The following ZNF518A variants were observed in gnomAD, a reference collection of about 807,000 sequenced individuals.
ZNF518A encodes zinc finger protein 518A.
A neutral mutation model predicts 102.7 loss-of-function variants in ZNF518A; 47 were observed. The ratio of observed to expected loss-of-function variants is 0.46; its 90% CI spans 0.36 to 0.58. ZNF518A has a LOEUF of 0.58. Among genes scored for constraint, ZNF518A ranks in the 20% least tolerant of loss-of-function variants. The pLI is 0.00. For synonymous variants in ZNF518A, 652 were observed against 594.6 expected, an observed-to-expected ratio of 1.10 and a Z score of -1.40; for missense variants, 1,793 against 1,699.8, an observed-to-expected ratio of 1.05 and a Z score of -0.96.
At position 96,159,077 on chromosome 10, in the gene ZNF518A, A is replaced by T. The variant is rs2082859251; in HGVS notation, c.2755A>T (p.Ser919Cys). Residue 919 changes from serine to cysteine, a missense_variant, in exon 6 of 6, where the codon AGT becomes TGT. Transcript: ENST00000316045. ...AAATTTAGGTTCTTTTTATATGCAG[A>T]GTCCACTTTTAAATTCAGAACAAAA... is the stretch of plus-strand genomic sequence containing the variant. ...TQNLGSFYMQ[S>C]PLLNSEQKKT... The T allele has an allele frequency of 6.2e-7, 1 of 1,613,016 alleles. No individual in the cohort carries two copies. Among genetic ancestry groups the T allele is most frequent in the Admixed American group, 1.7e-5 (1 of 59,802 alleles).
chr10:96,146,269 AAAT>A (rs2082169079), intron 3 of ZNF518A, among the ~76,000 whole-genome samples: 1 of 152,232 alleles, frequency 6.6e-6, no homozygotes, highest in African/African-American at 2.4e-5. Context: ...ACGATGGCAC[AAAT>A]AATATTTCTG....
At position 96,157,181 on chromosome 10, in the gene ZNF518A, G is replaced by C. The variant is rs999796023; in HGVS notation, c.859G>C (p.Glu287Gln). Residue 287 changes from glutamate to glutamine, a missense_variant, in exon 6 of 6, where the codon GAA (glutamate) becomes CAA (glutamine). Physicochemically the swap from Glu to Gln is conservative, Grantham distance 29 (BLOSUM62 2). Coordinates refer to ENST00000316045, the MANE Select transcript of ZNF518A (RefSeq NM_001330736.2). ...LVRHVITLHK[E>Q]HLYAKEKLEK... ...AAGACATGTTATAACTTTGCACAAA[G>C]AACATTTATATGCAAAAGAAAAACT... 6.2e-7 allele frequency: 1 copy of C among 1,612,228 alleles called. No individual in the cohort carries two copies. Among genetic ancestry groups the C allele is most frequent in the African/African-American group, 1.3e-5 (1 of 74,820 alleles).
intron 3 of ZNF518A, among the ~76,000 whole-genome samples, chr10:96,134,092 G>GT (rs2081477469): frequency 6.6e-6 from 1 of 152,180 alleles, no homozygotes; most frequent in Non-Finnish European, 1.5e-5. Flanking sequence ...AACTTTTTGA[G>GT]TGCTGACATG....
intron 1 of ZNF518A, among the ~76,000 whole-genome samples, chr10:96,131,443 A>G (rs587736262): frequency 1.7e-4 from 26 of 152,358 alleles, no homozygotes; most frequent in African/African-American, 6.3e-4. Context: ...TCTGAAATTT[A>G]TAAAGAGACA....
rs368191808 is a variant in ZNF518A at position 96,160,685 on chromosome 10, G to T, written c.4363G>T (p.Gly1455Cys). 2 of 1,612,886 alleles carry T rather than the reference G, an allele frequency of 1.2e-6. No individual in the cohort carries two copies. The highest frequency in any genetic ancestry group is 1.7e-6 in the Non-Finnish European group (2 of 1,179,400). ...GGCTAAATTTAACTGTTGGTTTTGT[G>T]GTAGAGTATTTGACAATCAGGATAC... The part of the protein sequence containing the change: ...LKAKFNCWFC[G>C]RVFDNQDTWA... The change falls in exon 6 of 6, where the codon GGT becomes TGT. Residue 1455 changes from glycine (G) to cysteine (C), a missense_variant. Coordinates refer to ENST00000316045, the MANE Select transcript of ZNF518A (RefSeq NM_001330736.2).
chr10:96,196,422 T>A (rs891505640), intron 1 of ZNF518A, among the ~76,000 whole-genome samples: 16 of 152,214 alleles, frequency 1.1e-4, no homozygotes, highest in South Asian at 6.2e-4. Context: ...CATGTGATTT[T>A]TTTTTCTTGC....
chr10:96,163,887 C>G (rs1170861760), downstream of ZNF518A: 1 of 165,626 alleles, frequency 6.0e-6, no homozygotes, highest in East Asian at 1.9e-4. Context: ...TGATGTACCT[C>G]ACCTGTGTAA....
downstream of ZNF518A, chr10:96,204,411 C>T: frequency 8.5e-7 from 1 of 1,175,714 alleles, no homozygotes; most frequent in East Asian, 2.3e-5. Flanking sequence ...AACTGCAAAA[C>T]AATGAAATGT....
At chr10:96,168,326 C>T (rs1173749068), downstream of ZNF518A, among the ~76,000 whole-genome samples, 2 of 151,932 alleles carry the variant, frequency 1.3e-5, no homozygotes, top group Non-Finnish European at 2.9e-5. Flanking sequence ...TTTTTGCTCA[C>T]CACACGGGAA....
At chr10:96,186,918 A>G (rs1290994132) in intron 1 of ZNF518A, among the ~76,000 whole-genome samples, 1 of 152,172 alleles carries the variant, frequency 6.6e-6, no homozygotes, top group Non-Finnish European at 1.5e-5. Context: ...TGATGCATCA[A>G]AGGTTAAGAA....
chr10:96,167,313 C>A (rs1554890479), downstream of ZNF518A, among the ~76,000 whole-genome samples: 2 of 151,894 alleles, frequency 1.3e-5, no homozygotes. Context: ...ATAAATTGGC[C>A]AAGCGTGGTG....
At chr10:96,130,852 A>T (rs782088518) in intron 1 of ZNF518A, 100 bp downstream of exon 1, 1 of 152,250 alleles carries the variant, frequency 6.6e-6, no homozygotes, top group Non-Finnish European at 1.5e-5. Context: ...TATTCGTTAC[A>T]TGGTGTCCTC....
chr10:96,156,577 C>T lies in ZNF518A; in HGVS notation c.255C>T (p.Ile85=). The stretch of plus-strand genomic sequence containing the variant: ...AACAGCAGACTGCAAGAAAATCTAT[C>T]AGTATAAAGACTGTAAGCTGTGTAG... ...QSKQQTARKS[I]SIKTVSCVEE... is the part of the protein sequence containing the mutation. Residue 85 remains isoleucine, a synonymous_variant, in exon 6 of 6, where the codon ATC becomes ATT. Coordinates refer to ENST00000316045, the MANE Select transcript of ZNF518A (RefSeq NM_001330736.2). 6.2e-7 allele frequency: 1 copy of T among 1,612,954 alleles called. No individual in the cohort carries two copies. The highest frequency in any genetic ancestry group is 8.5e-7 in the Non-Finnish European group (1 of 1,179,524).
At chr10:96,133,025 GTTTTA>G (rs1260177273) in intron 2 of ZNF518A, 35 of 152,210 alleles carry the variant, frequency 2.3e-4, no homozygotes, top group African/African-American at 7.2e-4. Context: ...ATAAGTTATA[GTTTTA>G]TTTTATTTTT....
chr10:96,133,678 T>G (rs1554873177), intron 3 of ZNF518A, 30 bp downstream of exon 3: 2 of 152,178 alleles, frequency 1.3e-5, no homozygotes, highest in Non-Finnish European at 2.9e-5. Context: ...TGACCGTAAA[T>G]TAGGAATAAG....
chr10:96,191,852 A>G, intron 1 of ZNF518A: 1 of 1,351,850 alleles, frequency 7.4e-7, no homozygotes, highest in East Asian at 2.3e-5. Context: ...AGCTGACTCC[A>G]TCTTCCATTT....
intron 3 of ZNF518A, among the ~76,000 whole-genome samples, chr10:96,155,068 T>TAA (rs1591212611): frequency 1.3e-5 from 2 of 152,084 alleles, no homozygotes; most frequent in Non-Finnish European, 1.5e-5. Flanking sequence ...TATATATATA[T>TAA]AAAGCACAAA....
intron 1 of ZNF518A, among the ~76,000 whole-genome samples, chr10:96,131,433 TC>T (rs1285772158): frequency 6.6e-6 from 1 of 152,352 alleles, no homozygotes; most frequent in Non-Finnish European, 1.5e-5. Flanking sequence ...AATTGTCTTT[TC>T]TGAAATTTAT....
intron 1 of ZNF518A, chr10:96,189,817 G>A: frequency 3.4e-6 from 4 of 1,179,074 alleles, no homozygotes; most frequent in Non-Finnish European, 5.0e-6. Context: ...ATATCCTTAA[G>A]AGTTTCACAT....
Sources: gnomAD v4.1 joint callset for allele counts (sites outside exome capture counted in the v4.1 genomes callset) on GRCh38, gnomAD v4.1.1 for gene constraint, MANE v1.5 for transcripts, NCBI Gene and HGNC (gene_info 2026-07-23, HGNC 2026-07-21) for gene names.